The following DMBX1 variants were observed in gnomAD, a reference collection of about 807,000 sequenced individuals.
DMBX1 encodes diencephalon/mesencephalon homeobox protein 1.
Under a neutral mutation model 30.4 loss-of-function variants are expected in DMBX1, and 7 were observed. The ratio of observed to expected loss-of-function variants is 0.23; its 90% CI spans 0.13 to 0.43. DMBX1 has a LOEUF of 0.43. Ranked by LOEUF, DMBX1 falls within the 20% of genes least tolerant of loss-of-function variation. The probability of loss-of-function intolerance (pLI) is 1.00; values close to 1 mark genes in which losing one functional copy is unlikely to be tolerated. For synonymous variants in DMBX1, 222 were observed against 214.2 expected (o/e 1.04, Z -0.32); for missense variants, 460 against 508.5 (o/e 0.90, Z 0.92).
chr1:46,507,817 A>G (rs1262748825), intron 3 of DMBX1, among the ~76,000 whole-genome samples: 1 of 152,170 alleles, frequency 6.6e-6, no homozygotes, highest in Non-Finnish European at 1.5e-5. Context: ...TCTGAGCCTC[A>G]GTTTCTCCTT....
intron 2 of DMBX1, among the ~76,000 whole-genome samples, chr1:46,492,550 G>A (rs940606239): frequency 6.6e-6 from 1 of 152,142 alleles, no homozygotes; most frequent in Admixed American, 6.5e-5. Context: ...TTGGAGCAAG[G>A]GGACATTGTC....
intron 2 of DMBX1, among the ~76,000 whole-genome samples, chr1:46,501,599 C>A (rs1666140375): frequency 6.6e-6 from 1 of 152,052 alleles, no homozygotes; most frequent in African/African-American, 2.4e-5. Context: ...TAAGGCTGAG[C>A]TTTTTGTCAT....
intron 2 of DMBX1, among the ~76,000 whole-genome samples, chr1:46,492,651 T>C (rs1262795911): frequency 6.6e-6 from 1 of 152,128 alleles, no homozygotes; most frequent in Non-Finnish European, 1.5e-5. Context: ...ATTTGCCAGC[T>C]GTCTAGATTG....
Position 46,510,615 on chromosome 1 carries a change from G to T in DMBX1, c.294G>T (p.Arg98Ser). 1 of 1,614,090 alleles carries T rather than the reference G, an allele frequency of 6.2e-7. No homozygotes were observed. Among genetic ancestry groups the T allele is most frequent in the Non-Finnish European group, 8.5e-7 (1 of 1,180,006 alleles). Residue 98 changes from arginine to serine, a missense_variant, in exon 4 of 6, where the codon AGG (arginine) becomes AGT (serine). This residue lies in a region of DMBX1 where 124 missense variants were observed against 144.0 expected (regional missense o/e 0.86). Coordinates refer to ENST00000360032, the MANE Select transcript of DMBX1 (RefSeq NM_172225.2). The surrounding 1 kb of genome is among the most constrained non-coding windows in gnomAD (Gnocchi z 4.1). ...THYPDVVMRERLAMCTNLPEA... is the reference protein window; with the variant it reads ...THYPDVVMRESLAMCTNLPEA... ...ACCCAGATGTGGTGATGCGTGAGAGGCTGGCCATGTGCACCAACCTGCCTG... is the reference window on the plus strand; with the variant it reads ...ACCCAGATGTGGTGATGCGTGAGAGTCTGGCCATGTGCACCAACCTGCCTG...
chr1:46,489,943 G>T (rs1378795995), intron 1 of DMBX1, among the ~76,000 whole-genome samples, 66 bp downstream of exon 1: 1 of 152,154 alleles, frequency 6.6e-6, no homozygotes, highest in Non-Finnish European at 1.5e-5. Context: ...CAGGGAGGAC[G>T]CGGGCCGTGA....
In DMBX1 at chr1:46,512,476, C is replaced by G. The variant is rs142368793; in HGVS notation, c.1116C>G (p.Leu372=). ...RAKQHAASLG[L]DTLPN is the part of the protein sequence containing the mutation. Reference sequence around the variant, plus strand: ...AGCAGCACGCGGCCTCCCTGGGACTCGATACGCTGCCCAACTGACTGTCTG... The same window carrying G: ...AGCAGCACGCGGCCTCCCTGGGACTGGATACGCTGCCCAACTGACTGTCTG... Residue 372 remains leucine (L), a synonymous_variant, in exon 6 of 6, where the codon CTC becomes CTG. Transcript: ENST00000360032. This position sits in a 1 kb window ranked among gnomAD's most constrained non-coding sequence, Gnocchi z 4.8. 241 of 1,610,284 alleles carry G rather than the reference C, an allele frequency of 1.5e-4. No individual in the cohort carries two copies. Among genetic ancestry groups the G allele is most frequent in the Non-Finnish European group, 2.0e-4 (232 of 1,177,692 alleles).
intron 2 of DMBX1, among the ~76,000 whole-genome samples, chr1:46,502,716 A>G (rs554345344): frequency 6.6e-6 from 1 of 152,110 alleles, no homozygotes; most frequent in African/African-American, 2.4e-5. Flanking sequence ...GTGAGACCCT[A>G]TCTCTACAAA....
intron 2 of DMBX1, among the ~76,000 whole-genome samples, chr1:46,501,223 T>C (rs1569886273): frequency 7.1e-5 from 6 of 84,356 alleles, no homozygotes; most frequent in Admixed American, 1.2e-4. Flanking sequence ...CCTTTCTTTC[T>C]TTCTTTCTTT....
intron 2 of DMBX1, among the ~76,000 whole-genome samples, chr1:46,503,047 C>T (rs1031867512): frequency 3.3e-5 from 5 of 152,346 alleles, no homozygotes; most frequent in Middle Eastern, 3.4e-3. Context: ...CTCTGGCTAG[C>T]GGCCCCTCTC....
chr1:46,492,932 C>A (rs1236748588), intron 2 of DMBX1, among the ~76,000 whole-genome samples: 1 of 152,156 alleles, frequency 6.6e-6, no homozygotes, highest in East Asian at 1.9e-4. Flanking sequence ...TGCGCAGAAG[C>A]CCCAGGCAGC....
chr1:46,509,804 C>T (rs1666319271), intron 3 of DMBX1, among the ~76,000 whole-genome samples: 1 of 152,076 alleles, frequency 6.6e-6, no homozygotes, highest in African/African-American at 2.4e-5. Context: ...AGCCCTGCCA[C>T]CCCCACCCTC....
rs747355758 is a variant in DMBX1, at chr1:46,511,142, CAGTCAGCCAGTG to C, written c.550_561del (p.Ser184_Ala187del). ...TGAGCTTCACCTGAGTCTGTCTGAG[CAGTCAGCCAGTG>C]AGTCAGCCCCCGAGGATCAGCCGGA... On this transcript the variant is annotated inframe_deletion, in exon 5 of 6. Transcript: ENST00000360032. 6.2e-7 allele frequency: 1 copy of C among 1,613,864 alleles called. No homozygotes were observed. The highest frequency in any genetic ancestry group is 1.7e-5 in the Admixed American group (1 of 60,004).
At chr1:46,494,534 C>G (rs536886916) in intron 2 of DMBX1, among the ~76,000 whole-genome samples, 1 of 152,140 alleles carries the variant, frequency 6.6e-6, no homozygotes, top group African/African-American at 2.4e-5. Flanking sequence ...CTAAGAGCCC[C>G]GACTCCTTCA....
At position 46,510,708 on chromosome 1, in the gene DMBX1, C is replaced by G; in HGVS notation, c.333+54C>G. 1 of 1,572,968 alleles carries G rather than the reference C, an allele frequency of 6.4e-7. No individual in the cohort carries two copies. The highest frequency in any genetic ancestry group is 8.6e-7 in the Non-Finnish European group (1 of 1,158,006). ...TGCAGACAAACACCAGCCCATCAGT[C>G]TGCCCGCTTGTCCAGGAGCCAGCAT... On this transcript the variant is annotated intron_variant, in intron 4 of 5. Transcript: ENST00000360032. The surrounding 1 kb of genome is among the most constrained non-coding windows in gnomAD (Gnocchi z 4.1).
At chr1:46,503,904 C>G (rs1411121930) in intron 2 of DMBX1, among the ~76,000 whole-genome samples, 1 of 152,214 alleles carries the variant, frequency 6.6e-6, no homozygotes, top group African/African-American at 2.4e-5. Flanking sequence ...CTGCTGCAGA[C>G]TGGGTGAGGG....
intron 5 of DMBX1, among the ~76,000 whole-genome samples, chr1:46,511,792 TGAAAA>T (rs1353483625): frequency 6.6e-6 from 1 of 151,924 alleles, no homozygotes; most frequent in African/African-American, 2.4e-5. Context: ...TTACAGCCCT[TGAAAA>T]GAAAAAGAGA....
chr1:46,511,025 T>A lies in DMBX1; in HGVS notation c.424T>A (p.Ser142Thr). The change falls in exon 5 of 6, where the codon TCC (serine) becomes ACC (threonine). Residue 142 changes from serine (S) to threonine (T), a missense_variant. Around this residue, in one of 3 missense-constraint regions of DMBX1, gnomAD observed 334 missense variants for 345.1 expected, o/e 0.97. Transcript: ENST00000360032. ...QLQKQKEAEG[S>T]HGEGKAEAPT... ...CCAGAAGCAGAAGGAGGCTGAGGGC[T>A]CCCATGGGGAAGGCAAGGCCGAGGC... is the stretch of plus-strand genomic sequence containing the variant. The A allele has an allele frequency of 1.2e-6, 2 of 1,613,988 alleles. No individual in the cohort carries two copies. Among genetic ancestry groups the A allele is most frequent in the Non-Finnish European group, 1.7e-6 (2 of 1,179,984 alleles).
At chr1:46,497,320 C>A (rs751492282) in intron 2 of DMBX1, among the ~76,000 whole-genome samples, 1 of 152,116 alleles carries the variant, frequency 6.6e-6, no homozygotes, top group Non-Finnish European at 1.5e-5. Flanking sequence ...AGACTTGGCA[C>A]GTGGTAGATA....
rs1665921380 is a variant in DMBX1 at position 46,491,134 on chromosome 1, G to A, written c.-13+351G>A. 6.6e-6 allele frequency among the ~76,000 whole-genome samples: 1 copy of A among 152,214 alleles called. No homozygotes were observed. The highest frequency in any genetic ancestry group is 2.4e-5 in the African/African-American group (1 of 41,452). The stretch of plus-strand genomic sequence containing the variant: ...TCGTTGGCACTGGTGGTTCACTTAA[G>A]GAGCTTGAGGGAAACCTCCTCTTCC... On this transcript the variant is annotated intron_variant, in intron 2 of 5. Transcript: ENST00000360032. This position sits in a 1 kb window ranked among gnomAD's most constrained non-coding sequence, Gnocchi z 5.5.
Sources: gnomAD v4.1 joint callset for allele counts (sites outside exome capture counted in the v4.1 genomes callset) on GRCh38, gnomAD v4.1.1 for gene constraint, gnomAD v4.1.1 regional missense constraint, Gnocchi (gnomAD v3.1) non-coding constraint, MANE v1.5 for transcripts, NCBI Gene and HGNC (gene_info 2026-07-23, HGNC 2026-07-21) for gene names.